OTUD7A: variants seen among roughly 807,000 people sequenced by gnomAD.
The protein encoded by OTUD7A is OTU deubiquitinase 7A.
OTUD7A carries 12 observed loss-of-function variants against 65.7 expected under a neutral mutation model. The observed-to-expected ratio is 0.18, with a 90% confidence interval of 0.12 to 0.30. The LOEUF (loss-of-function observed/expected upper bound fraction) is 0.30. Among genes scored for constraint, OTUD7A ranks in the 10% least tolerant of loss-of-function variants. The pLI is 1.00. For missense variants in OTUD7A, 1,148 were observed against 1,304.8 expected (o/e 0.88, Z 1.85); for synonymous variants, 641 against 586.3 (o/e 1.09, Z -1.35).
At chr15:31,777,333 G>A (rs80284641) in intron 1 of OTUD7A, among the ~76,000 whole-genome samples, 1,774 of 152,272 alleles carry the variant, frequency 0.012, 33 homozygotes, top group African/African-American at 0.038. Flanking sequence ...GGTTGAGAGG[G>A]ACATAAATAT....
intron 3 of OTUD7A, among the ~76,000 whole-genome samples, chr15:31,644,978 C>G (rs576201526): frequency 6.6e-6 from 1 of 152,288 alleles, no homozygotes; most frequent in East Asian, 1.9e-4. Context: ...CACACACAGG[C>G]ACTGATCGGC....
chr15:31,589,820 A>C lies in OTUD7A; in HGVS notation c.152-19623T>G, dbSNP rs539726290. On this transcript the variant is annotated intron_variant, in intron 3 of 12. Transcript: ENST00000307050. Reference sequence around the variant, plus strand: ...AATAATGTAGAAAAGTAAATCATTCAGTTTTAGTACTGAATGATAACTATT... The same window carrying C: ...AATAATGTAGAAAAGTAAATCATTCCGTTTTAGTACTGAATGATAACTATT... 2.0e-5 allele frequency among the ~76,000 whole-genome samples: 3 copies of C among 152,288 alleles called. No individual in the cohort carries two copies. In the South Asian group the frequency reaches 6.2e-4, roughly 32 times the overall value.
intron 1 of OTUD7A, among the ~76,000 whole-genome samples, chr15:31,866,996 G>C (rs900396193): frequency 2.0e-5 from 3 of 152,084 alleles, no homozygotes; most frequent in African/African-American, 7.2e-5. Context: ...CTTTCGCATG[G>C]GGCCTCCATG....
intron 3 of OTUD7A, among the ~76,000 whole-genome samples, chr15:31,588,675 AG>A (rs902179768): frequency 6.6e-6 from 1 of 152,232 alleles, no homozygotes; most frequent in African/African-American, 2.4e-5. Flanking sequence ...ACAGCAGTCC[AG>A]GGTGGAGTCC....
chr15:31,643,382 C>CT (rs537978793), intron 3 of OTUD7A, among the ~76,000 whole-genome samples: 5,626 of 152,092 alleles, frequency 0.037, 162 homozygotes, highest in Middle Eastern at 0.078. Context: ...TAACCTTTCT[C>CT]TTTTTTTTGT....
chr15:31,574,687 C>T lies in OTUD7A; in HGVS notation c.152-4490G>A, dbSNP rs147989167. On this transcript the variant is annotated intron_variant, in intron 3 of 12. Coordinates refer to ENST00000307050, the MANE Select transcript of OTUD7A (RefSeq NM_001382637.1). ...GTTTTTTATTCTTTGTATTTTATGA[C>T]GCTTTGACATCTTGGGGCCTTTGTG... 4.0e-3 allele frequency among the ~76,000 whole-genome samples: 608 copies of T among 152,272 alleles called. 6 individuals are homozygous for T. Among genetic ancestry groups the T allele is most frequent in the African/African-American group, 0.014 (588 of 41,544 alleles).
At chr15:31,671,010 C>A (rs915802378) in intron 1 of OTUD7A, among the ~76,000 whole-genome samples, 2 of 150,894 alleles carry the variant, frequency 1.3e-5, no homozygotes, top group South Asian at 2.1e-4. Flanking sequence ...AAAAAAAAAT[C>A]TTCTCCCATT....
At chr15:31,593,549 C>A (rs541578879) in intron 3 of OTUD7A, among the ~76,000 whole-genome samples, 1 of 151,892 alleles carries the variant, frequency 6.6e-6, no homozygotes, top group African/African-American at 2.4e-5. Context: ...GAATTTGGGG[C>A]GGGCAGACTT....
chr15:31,753,534 CATG>C (rs1431694496), intron 1 of OTUD7A, among the ~76,000 whole-genome samples: 1 of 151,560 alleles, frequency 6.6e-6, no homozygotes, highest in African/African-American at 2.4e-5. Context: ...CCCACTTATG[CATG>C]ATAACATACA....
intron 1 of OTUD7A, among the ~76,000 whole-genome samples, chr15:31,746,565 C>T (rs1342534544): frequency 5.4e-5 from 8 of 149,008 alleles, no homozygotes; most frequent in South Asian, 4.2e-4. Context: ...AGTGCGATCT[C>T]GGCTCCCTGC....
intron 1 of OTUD7A, among the ~76,000 whole-genome samples, chr15:31,806,014 A>G (rs1189401630): frequency 6.6e-6 from 1 of 152,220 alleles, no homozygotes; most frequent in Non-Finnish European, 1.5e-5. Flanking sequence ...TATTTTAAAG[A>G]TTTGTACATT....
intron 1 of OTUD7A, among the ~76,000 whole-genome samples, chr15:31,718,325 C>A (rs1319241554): frequency 4.6e-5 from 7 of 152,168 alleles, no homozygotes; most frequent in African/African-American, 1.7e-4. Context: ...CAACAATTAG[C>A]ACTTGGTGGT....
At chr15:31,486,126 G>A (rs1348532224) in intron 12 of OTUD7A, among the ~76,000 whole-genome samples, 6 of 152,168 alleles carry the variant, frequency 3.9e-5, no homozygotes, top group Admixed American at 3.3e-4. Context: ...TGAAGGCACC[G>A]AGGCCTGGCA....
chr15:31,821,298 G>C (rs1281325003), intron 1 of OTUD7A, among the ~76,000 whole-genome samples: 1 of 143,344 alleles, frequency 7.0e-6, no homozygotes, highest in Non-Finnish European at 1.5e-5. Context: ...ACCACGCCCA[G>C]GTACCTTTTT....
chr15:31,605,871 C>T (rs955506963), intron 3 of OTUD7A, among the ~76,000 whole-genome samples: 4 of 152,132 alleles, frequency 2.6e-5, no homozygotes, highest in African/African-American at 7.2e-5. Flanking sequence ...CCACTGTGCC[C>T]GTGGACAGGG....
chr15:31,664,622 C>T (rs182271819), intron 1 of OTUD7A, among the ~76,000 whole-genome samples: 2 of 152,246 alleles, frequency 1.3e-5, no homozygotes, highest in East Asian at 3.9e-4. Context: ...GTTTACTCTG[C>T]TGGCTGTTCC....
chr15:31,865,406 T>C (rs1008333942), intron 1 of OTUD7A, among the ~76,000 whole-genome samples: 8 of 152,102 alleles, frequency 5.3e-5, no homozygotes, highest in African/African-American at 1.9e-4. Context: ...AGGGATGATG[T>C]AAGGTGATCT....
intron 8 of OTUD7A, among the ~76,000 whole-genome samples, chr15:31,510,507 C>T (rs141957620): frequency 0.025 from 3,456 of 138,714 alleles, 221 homozygotes; most frequent in African/African-American, 0.096. Context: ...ATGTAACATA[C>T]ATATATATGT....
intron 3 of OTUD7A, among the ~76,000 whole-genome samples, chr15:31,645,792 T>C (rs942807486): frequency 1.3e-5 from 2 of 152,170 alleles, no homozygotes; most frequent in Non-Finnish European, 2.9e-5. Flanking sequence ...CTACTGCCCA[T>C]AGGCTGGCTG....
Sources: allele counts gnomAD v4.1 joint callset (sites outside exome capture counted in the v4.1 genomes callset), GRCh38; gene constraint gnomAD v4.1.1; transcripts MANE v1.5; gene names NCBI Gene and HGNC (gene_info 2026-07-23, HGNC 2026-07-21).